Variants in ANLN observed in about 807,000 individuals in gnomAD.
ANLN encodes the protein anillin, actin binding protein, also known as anillin.
Under a neutral mutation model 135.1 loss-of-function variants are expected in ANLN, and 59 were observed. The ratio of observed to expected loss-of-function variants is 0.44; its 90% CI spans 0.35 to 0.54. The LOEUF is 0.54. Among genes scored for constraint, ANLN ranks in the 20% least tolerant of loss-of-function variants. ANLN has a pLI of 0.00. For missense variants in ANLN, 1,182 were observed against 1,340.0 expected (o/e 0.88, Z 1.84); for synonymous variants, 406 against 456.4 (o/e 0.89, Z 1.41).
intron 20 of ANLN, among the ~76,000 whole-genome samples, chr7:36,438,015 C>T (rs368908516): frequency 8.5e-5 from 13 of 152,296 alleles, no homozygotes; most frequent in African/African-American, 3.1e-4. Flanking sequence ...TCTTGAACTC[C>T]TAACCTCAGG....
intron 18 of ANLN, 37 bp from the exon 19 acceptor site, chr7:36,425,973 ATAACT>A: frequency 6.9e-7 from 1 of 1,443,152 alleles, no homozygotes; most frequent in Non-Finnish European, 9.4e-7. Flanking sequence ...AATAAGGGAA[ATAACT>A]TATGTTTCTT....
At chr7:36,442,606 G>GT (rs970981669) in intron 21 of ANLN, among the ~76,000 whole-genome samples, 10 of 151,628 alleles carry the variant, frequency 6.6e-5, no homozygotes, top group African/African-American at 1.2e-4. Context: ...GATGAATGTT[G>GT]TTTTTTTTAA....
intron 1 of ANLN, chr7:36,390,284 T>TA: frequency 1.7e-6 from 1 of 603,204 alleles, no homozygotes; most frequent in East Asian, 2.9e-5. Context: ...GAGTCTGTCC[T>TA]AAAAGGCTGT....
chr7:36,436,130 C>T (rs541352871), intron 20 of ANLN, among the ~76,000 whole-genome samples: 66 of 152,116 alleles, frequency 4.3e-4, no homozygotes, highest in Non-Finnish European at 7.5e-4. Flanking sequence ...TTCCCTCCCC[C>T]GAGCCCCTGA....
In ANLN at chr7:36,426,018, A is replaced by G; in HGVS notation, c.2752A>G (p.Ser918Gly). The G allele has an allele frequency of 1.3e-6, 2 of 1,517,138 alleles. No individual in the cohort carries two copies. Among genetic ancestry groups the G allele is most frequent in the Non-Finnish European group, 1.8e-6 (2 of 1,132,110 alleles). The allele number at this position is 1,517,138 out of a possible 1,614,324, so 94.0% of individuals were successfully genotyped here. The change falls in exon 19 of 24, where the codon AGC (serine) becomes GGC (glycine). Residue 918 changes from serine (S) to glycine (G), a missense_variant. Coordinates refer to ENST00000265748, the MANE Select transcript of ANLN (RefSeq NM_018685.5). ...ACACCTTTTTTTTTTTTTTTAGAAA[A>G]GCAACATTCATTCTTCAGGTGAGTG... ...KRLLTSITTK[S>G]NIHSSVMASP...
chr7:36,399,104 A>G lies in ANLN; in HGVS notation c.198A>G (p.Pro66=), dbSNP rs1786828115. 2 of 1,609,964 alleles carry G rather than the reference A, an allele frequency of 1.2e-6. No homozygotes were observed. Among genetic ancestry groups the G allele is most frequent in the Admixed American group, 3.4e-5 (2 of 59,484 alleles). The change falls in exon 3 of 24, where the codon CCA becomes CCG. Residue 66 remains proline, a synonymous_variant. Coordinates refer to ENST00000265748, the MANE Select transcript of ANLN (RefSeq NM_018685.5). ...GEEKSCTKPS[P]SKKRCSDNTE... ...AGAAATCTTGTACAAAACCATCGCC[A>G]TCAAAAAAACGCTGTTCTGACAACA...
chr7:36,415,597 T>C (rs1787605499), intron 7 of ANLN, among the ~76,000 whole-genome samples, 161 bp from the exon 8 acceptor site: 2 of 152,196 alleles, frequency 1.3e-5, no homozygotes, highest in South Asian at 4.1e-4. Context: ...GTTTGTCGTG[T>C]TCTGAACAAG....
chr7:36,414,877 T>C (rs1787576975), intron 7 of ANLN, among the ~76,000 whole-genome samples: 1 of 152,200 alleles, frequency 6.6e-6, no homozygotes, highest in South Asian at 2.1e-4. Flanking sequence ...GCAAGATACT[T>C]AACTTTTTTG....
rs775708670 is a variant in ANLN, at chr7:36,419,328, T to G, written c.1718T>G (p.Leu573Arg). ...KVINDLFSDV[L>R]EEGELDMEKS... ...ATTAATGACCTCTTCAGTGATGTCC[T>G]AGAGGAAGGTGAACTAGATATGGAG... Residue 573 changes from leucine (L) to arginine (R), a missense_variant, in exon 10 of 24, where the codon CTA (leucine) becomes CGA (arginine). Physicochemically the swap from Leu to Arg is moderately radical, Grantham distance 102. Coordinates refer to ENST00000265748, the MANE Select transcript of ANLN (RefSeq NM_018685.5). The G allele has an allele frequency of 2.5e-6, 4 of 1,614,004 alleles. No individual in the cohort carries two copies. In the Admixed American group the frequency reaches 6.7e-5, roughly 27 times the overall value.
intron 3 of ANLN, chr7:36,403,381 A>T (rs983628539): frequency 6.6e-6 from 1 of 152,208 alleles, no homozygotes; most frequent in Non-Finnish European, 1.5e-5. Flanking sequence ...GGGAGAGCCA[A>T]ATGGAGGTAT....
chr7:36,440,575 T>G (rs1261204608), intron 21 of ANLN, among the ~76,000 whole-genome samples: 1 of 152,092 alleles, frequency 6.6e-6, no homozygotes, highest in Non-Finnish European at 1.5e-5. Flanking sequence ...TGTCAACATT[T>G]TGTTAAGATG....
At chr7:36,446,716 C>T (rs1240061505) in intron 22 of ANLN, among the ~76,000 whole-genome samples, 1 of 152,202 alleles carries the variant, frequency 6.6e-6, no homozygotes, top group African/African-American at 2.4e-5. Context: ...TAGGCCCCAC[C>T]TCCAACACTG....
rs969482752 is a variant in ANLN, at chr7:36,445,952, A to G, written c.3078+2090A>G. Among the ~76,000 whole-genome samples, 6 of 152,168 alleles carry G rather than the reference A, an allele frequency of 3.9e-5. No individual in the cohort carries two copies. In the East Asian group the frequency reaches 5.8e-4, roughly 15 times the overall value. On this transcript the variant is annotated intron_variant, in intron 22 of 23. Transcript: ENST00000265748. ...ATACTCTTATTTAAAAAAATTTTGT[A>G]TCTTCTTGATTACTAGACTAAGTAT...
intron 7 of ANLN, among the ~76,000 whole-genome samples, chr7:36,412,176 C>G (rs1787440149): frequency 6.6e-6 from 1 of 151,638 alleles, no homozygotes; most frequent in African/African-American, 2.4e-5. Context: ...TTTTCTAAAT[C>G]TGTCACCCAC....
At position 36,440,344 on chromosome 7, in the gene ANLN, G is replaced by A. The variant is rs192763365; in HGVS notation, c.2970+1054G>A. On this transcript the variant is annotated intron_variant, in intron 21 of 23. Transcript: ENST00000265748. ...AAGAGAACATTGAAAGGAGGGAGTG[G>A]TTGAGTTAGATCAGATTCTGTTAGG... Among the ~76,000 whole-genome samples the A allele has an allele frequency of 1.1e-3, 166 of 152,300 alleles. 1 individual carries two copies. Among genetic ancestry groups the A allele is most frequent in the African/African-American group, 3.7e-3 (155 of 41,558 alleles).
intron 9 of ANLN, 27 bp from the exon 10 acceptor site, chr7:36,419,217 G>T: frequency 6.7e-7 from 1 of 1,501,396 alleles, no homozygotes; most frequent in Non-Finnish European, 9.3e-7. Flanking sequence ...CTGAGTCACA[G>T]TGTCCACCTA....
At chr7:36,406,734 C>T (rs767536318) in intron 4 of ANLN, among the ~76,000 whole-genome samples, 168 bp downstream of exon 4, 2 of 152,074 alleles carry the variant, frequency 1.3e-5, no homozygotes, top group African/African-American at 2.4e-5. Flanking sequence ...AAGTGAAAAT[C>T]GTTAAGTTGG....
At chr7:36,408,498 A>C (rs1787281341) in intron 5 of ANLN, among the ~76,000 whole-genome samples, 1 of 152,194 alleles carries the variant, frequency 6.6e-6, no homozygotes, top group Admixed American at 6.5e-5. Flanking sequence ...TGATAACTTA[A>C]TACATTTATA....
chr7:36,394,511 AT>A (rs1397103787), intron 1 of ANLN, among the ~76,000 whole-genome samples: 2 of 152,132 alleles, frequency 1.3e-5, no homozygotes, highest in Non-Finnish European at 2.9e-5. Flanking sequence ...AAGGACTTTT[AT>A]TTAGCGGGTG....
Sources: allele counts gnomAD v4.1 joint callset (sites outside exome capture counted in the v4.1 genomes callset), GRCh38; gene constraint gnomAD v4.1.1; transcripts MANE v1.5; gene names NCBI Gene and HGNC (gene_info 2026-07-23, HGNC 2026-07-21).